The following NELL2 variants were observed in gnomAD, a reference collection of about 807,000 sequenced individuals.
The protein encoded by NELL2 is protein kinase C-binding protein NELL2.
In NELL2, 41 loss-of-function variants were observed where a neutral mutation model predicts 109.6. That is an observed-to-expected ratio of 0.37 (90% CI 0.29 to 0.49). The LOEUF (loss-of-function observed/expected upper bound fraction) is 0.49. NELL2 is among the 20% of genes least tolerant of loss of function. The probability of loss-of-function intolerance (pLI) is 0.98; values close to 1 mark genes in which losing one functional copy is unlikely to be tolerated. For synonymous variants in NELL2, 355 were observed against 344.7 expected (o/e 1.03, Z -0.33); for missense variants, 900 against 1,008.3 (o/e 0.89, Z 1.45).
chr12:44,768,752 TCTAC>T (rs10585821), intron 9 of NELL2, among the ~76,000 whole-genome samples: 34,009 of 151,860 alleles, frequency 0.22, 3,991 homozygotes, highest in South Asian at 0.28. Flanking sequence ...GATTGCTACT[TCTAC>T]CTTTTTCATT....
chr12:44,644,604 G>GTGTGTATATA (rs1241074750), intron 13 of NELL2, among the ~76,000 whole-genome samples: 7 of 81,240 alleles, frequency 8.6e-5, no homozygotes, highest in Admixed American at 1.5e-4. Flanking sequence ...ATATATATAT[G>GTGTGTATATA]TATGTATATA....
At chr12:44,532,547 G>T in intron 16 of NELL2, 34 bp downstream of exon 16, 1 of 1,595,480 alleles carries the variant, frequency 6.3e-7, no homozygotes, top group Non-Finnish European at 8.5e-7. Context: ...TTCAAGAGAA[G>T]TTCTTAAATT....
intron 2 of NELL2, among the ~76,000 whole-genome samples, chr12:44,825,273 T>C (rs543406165): frequency 1.4e-4 from 21 of 152,292 alleles, no homozygotes; most frequent in Admixed American, 1.2e-3. Context: ...TTGTGTCTTC[T>C]TCAATTTCTT....
chr12:44,516,693 C>T (rs893376977), intron 19 of NELL2, among the ~76,000 whole-genome samples: 3 of 152,066 alleles, frequency 2.0e-5, no homozygotes, highest in African/African-American at 4.8e-5. Flanking sequence ...CAAGGTCTTA[C>T]TTTGTCACCC....
chr12:44,863,929 G>C (rs1183921333), intron 2 of NELL2, among the ~76,000 whole-genome samples: 1 of 152,174 alleles, frequency 6.6e-6, no homozygotes, highest in Non-Finnish European at 1.5e-5. Flanking sequence ...TAGGCAGGGA[G>C]TTGGCTGTAA....
chr12:44,520,284 G>C, intron 18 of NELL2, 55 bp from the exon 19 acceptor site: 2 of 1,428,496 alleles, frequency 1.4e-6, no homozygotes, highest in Non-Finnish European at 1.9e-6. Flanking sequence ...GAAATGGAGG[G>C]AGGCCAGGAA....
At chr12:44,644,580 GTATA>G (rs138161908) in intron 13 of NELL2, among the ~76,000 whole-genome samples, 4,367 of 84,292 alleles carry the variant, frequency 0.052, 430 homozygotes, top group African/African-American at 0.18. Context: ...ACAAAGTAAA[GTATA>G]TATATATATA....
chr12:44,871,395 T>A (rs2136834344), intron 2 of NELL2, among the ~76,000 whole-genome samples: 1 of 152,324 alleles, frequency 6.6e-6, no homozygotes, highest in East Asian at 1.9e-4. Flanking sequence ...CACCTAGCAG[T>A]ATGCTAGTTT....
intron 9 of NELL2, among the ~76,000 whole-genome samples, chr12:44,772,850 A>G (rs559565035): frequency 6.6e-6 from 1 of 151,780 alleles, no homozygotes; most frequent in Non-Finnish European, 1.5e-5. Flanking sequence ...ACTATTTTCT[A>G]TATGAAGCAA....
chr12:44,736,153 G>A (rs1939636141), intron 9 of NELL2, among the ~76,000 whole-genome samples: 1 of 151,718 alleles, frequency 6.6e-6, no homozygotes, highest in Non-Finnish European at 1.5e-5. Flanking sequence ...TGGGACTACA[G>A]GCGCGCGCCA....
At chr12:44,745,963 G>T (rs1940322713) in intron 9 of NELL2, among the ~76,000 whole-genome samples, 2 of 152,096 alleles carry the variant, frequency 1.3e-5, no homozygotes, top group South Asian at 4.2e-4. Flanking sequence ...AGTTCATATG[G>T]AACCAAAAAA....
At chr12:44,887,659 T>G (rs571844729) in intron 1 of NELL2, among the ~76,000 whole-genome samples, 1 of 146,518 alleles carries the variant, frequency 6.8e-6, no homozygotes, top group Non-Finnish European at 1.5e-5. Flanking sequence ...TGTGTGTGTG[T>G]TGTTGTTGTT....
At chr12:44,808,381 T>G (rs1370688346) in intron 3 of NELL2, among the ~76,000 whole-genome samples, 3 of 152,150 alleles carry the variant, frequency 2.0e-5, no homozygotes, top group African/African-American at 7.2e-5. Flanking sequence ...TACTTGGTAG[T>G]GATATATGTA....
chr12:44,678,756 GAATT>G (rs1273465477), intron 12 of NELL2, among the ~76,000 whole-genome samples: 1 of 152,098 alleles, frequency 6.6e-6, no homozygotes, highest in Non-Finnish European at 1.5e-5. Flanking sequence ...GAGGTCGATA[GAATT>G]AATTGCTGCC....
At chr12:44,591,795 G>A (rs1388441397) in intron 15 of NELL2, among the ~76,000 whole-genome samples, 2 of 152,144 alleles carry the variant, frequency 1.3e-5, no homozygotes, top group South Asian at 2.1e-4. Context: ...AATGATAACT[G>A]TTTGAGGTGA....
intron 9 of NELL2, among the ~76,000 whole-genome samples, chr12:44,724,817 GA>G (rs1555205665): frequency 0.016 from 1,906 of 116,814 alleles, 14 homozygotes; most frequent in South Asian, 0.033. Flanking sequence ...ATCCTAAGGG[GA>G]AAAAAAAAAA....
At chr12:44,905,425 TA>T (rs1945708679) in intron 1 of NELL2, among the ~76,000 whole-genome samples, 1 of 152,070 alleles carries the variant, frequency 6.6e-6, no homozygotes, top group Non-Finnish European at 1.5e-5. Context: ...TGTAGCTGTT[TA>T]TTAATCTTAC....
At chr12:44,731,455 A>C (rs1939366272) in intron 9 of NELL2, among the ~76,000 whole-genome samples, 1 of 152,128 alleles carries the variant, frequency 6.6e-6, no homozygotes, top group African/African-American at 2.4e-5. Context: ...AAAACCAACC[A>C]ATATGATACA....
chr12:44,911,858 ATACT>A (rs1945783292), intron 1 of NELL2, among the ~76,000 whole-genome samples: 2 of 151,906 alleles, frequency 1.3e-5, no homozygotes, highest in African/African-American at 4.8e-5. Context: ...GTCACAGGTG[ATACT>A]TAAACTGCCC....
Sources: allele counts gnomAD v4.1 joint callset (sites outside exome capture counted in the v4.1 genomes callset), GRCh38; gene constraint gnomAD v4.1.1; transcripts MANE v1.5; gene names NCBI Gene and HGNC (gene_info 2026-07-23, HGNC 2026-07-21).